BLOC1S6: variants seen among roughly 807,000 people sequenced by gnomAD.
BLOC1S6 encodes the protein biogenesis of lysosomal organelles complex 1 subunit 6.
A neutral mutation model predicts 24.7 loss-of-function variants in BLOC1S6; 24 were observed. The ratio of observed to expected loss-of-function variants is 0.97; its 90% CI spans 0.70 to 1.37. The LOEUF is 1.37. Among genes scored for constraint, BLOC1S6 ranks in the 40% most tolerant of loss-of-function variants. BLOC1S6 has a pLI of 0.00. For synonymous variants in BLOC1S6, 76 were observed against 72.6 expected, an observed-to-expected ratio of 1.05 and a Z score of -0.23; for missense variants, 175 against 196.2, an observed-to-expected ratio of 0.89 and a Z score of 0.64.
At chr15:45,597,091 C>T (rs530248578) in intron 2 of BLOC1S6, among the ~76,000 whole-genome samples, 1 of 152,248 alleles carries the variant, frequency 6.6e-6, no homozygotes, top group South Asian at 2.1e-4. Context: ...AACTTTAAAA[C>T]AGTTTGTTGA....
Position 45,606,776 on chromosome 15 carries a change from T to G in BLOC1S6, c.*262T>G. On this transcript the variant is annotated 3_prime_UTR_variant, in exon 5 of 5. Transcript: ENST00000220531. Reference sequence around the variant, plus strand: ...CTTGAATTATTTATAAACTGGAAAGTGGTTTGATTATTGTGAGTCAAAACT... The same window carrying G: ...CTTGAATTATTTATAAACTGGAAAGGGGTTTGATTATTGTGAGTCAAAACT... The G allele has an allele frequency of 2.2e-6, 1 of 458,366 alleles. No homozygotes were observed. The highest frequency in any genetic ancestry group is 3.8e-6 in the Non-Finnish European group (1 of 260,230). The allele number at this position is 458,366 out of a possible 1,614,324, so 28.4% of individuals were successfully genotyped here.
chr15:45,604,671 A>G (rs1021701282), intron 3 of BLOC1S6, among the ~76,000 whole-genome samples: 1 of 152,210 alleles, frequency 6.6e-6, no homozygotes, highest in African/African-American at 2.4e-5. Context: ...TAATCAGACA[A>G]TGACTTTACT....
rs1043334036 is a variant in BLOC1S6 at position 45,605,605 on chromosome 15, T to C, written c.399+91T>C. 1.4e-5 allele frequency: 15 copies of C among 1,090,700 alleles called. No homozygotes were observed. The African/African-American group carries it at 2.4e-4, about 17-fold the overall frequency. The allele number at this position is 1,090,700 out of a possible 1,614,324, so 67.6% of individuals were successfully genotyped here. A position where few individuals can be genotyped will look rare whatever the true frequency, so the allele number is the denominator to read the frequency against. On this transcript the variant is annotated intron_variant, in intron 4 of 4. Coordinates refer to ENST00000220531, the MANE Select transcript of BLOC1S6 (RefSeq NM_012388.4). The stretch of plus-strand genomic sequence containing the variant: ...TTTTTTTTCAGTATTCTTTTTTTTT[T>C]TGAGACGGAGTTTTGCTCTTGCCGC...
chr15:45,602,064 G>A (rs1313283936), intron 2 of BLOC1S6, among the ~76,000 whole-genome samples: 1 of 151,880 alleles, frequency 6.6e-6, no homozygotes, highest in East Asian at 1.9e-4. Flanking sequence ...GTGTGTGTGT[G>A]TGTTTTTTTT....
chr15:45,608,113 G>C lies in BLOC1S6; in HGVS notation c.*1599G>C, dbSNP rs1032467173. 6.6e-6 allele frequency: 1 copy of C among 152,574 alleles called. No individual in the cohort carries two copies. The highest frequency in any genetic ancestry group is 1.5e-5 in the Non-Finnish European group (1 of 68,036). 9.5% of individuals were successfully genotyped at this position (152,574 alleles called of 1,614,324 possible). On this transcript the variant is annotated 3_prime_UTR_variant, in exon 5 of 5. Coordinates refer to ENST00000220531, the MANE Select transcript of BLOC1S6 (RefSeq NM_012388.4). ...TTTTATAATCCACAATACATTTCTG[G>C]TAAGATGGAATCACTACCTCTGATC...
Position 45,587,550 on chromosome 15 carries a change from C to G in BLOC1S6, c.82+25C>G, listed in dbSNP as rs778568739. 3.2e-6 allele frequency: 5 copies of G among 1,551,918 alleles called. No homozygotes were observed. The Admixed American group carries it at 7.6e-5, about 24-fold the overall frequency. ...GGTACGTACTATCGGGTGGGAAGCGCGGCCCGGGCTGGGTGTGAGGGGCGG... is the reference window on the plus strand; with the variant it reads ...GGTACGTACTATCGGGTGGGAAGCGGGGCCCGGGCTGGGTGTGAGGGGCGG... On this transcript the variant is annotated intron_variant, in intron 1 of 4. Coordinates refer to ENST00000220531, the MANE Select transcript of BLOC1S6 (RefSeq NM_012388.4).
chr15:45,601,840 A>C (rs1262562227), intron 2 of BLOC1S6, among the ~76,000 whole-genome samples: 1 of 151,744 alleles, frequency 6.6e-6, no homozygotes, highest in Non-Finnish European at 1.5e-5. Context: ...ACTTTCTGTG[A>C]TCTCTAGTCC....
rs1595553003 is a variant in BLOC1S6 at position 45,592,277 on chromosome 15, G to A, written c.224+1G>A. 2 of 1,613,646 alleles carry A rather than the reference G, an allele frequency of 1.2e-6. No individual in the cohort carries two copies. The highest frequency in any genetic ancestry group is 1.7e-6 in the Non-Finnish European group (2 of 1,179,964). Reference sequence around the variant, plus strand: ...CAAAACAAGCCCTCCAGGAACTCACGTAAGCTAATAAAAAACCAGATATAC... The same window carrying A: ...CAAAACAAGCCCTCCAGGAACTCACATAAGCTAATAAAAAACCAGATATAC... On this transcript the variant is annotated splice_donor_variant, in intron 2 of 4. Transcript: ENST00000220531. LOFTEE classifies it high-confidence loss of function.
At chr15:45,594,367 G>A (rs1324858510) in intron 2 of BLOC1S6, among the ~76,000 whole-genome samples, 1 of 152,234 alleles carries the variant, frequency 6.6e-6, no homozygotes, top group Non-Finnish European at 1.5e-5. Flanking sequence ...GGCCCCTAAA[G>A]CAGCCACAGA....
chr15:45,597,769 T>C, intron 2 of BLOC1S6: 1 of 204,892 alleles, frequency 4.9e-6, no homozygotes, highest in South Asian at 5.5e-5. Flanking sequence ...GGTTTCTTGT[T>C]GAATCTTTGG....
intron 2 of BLOC1S6, among the ~76,000 whole-genome samples, chr15:45,596,329 CT>C (rs1381414452): frequency 2.6e-5 from 4 of 152,052 alleles, no homozygotes; most frequent in Non-Finnish European, 5.9e-5. Flanking sequence ...TCCCAAGTAG[CT>C]GGGACCACAG....
intron 1 of BLOC1S6, among the ~76,000 whole-genome samples, chr15:45,591,437 C>T (rs1966763): frequency 0.21 from 31,184 of 151,976 alleles, 4,509 homozygotes; most frequent in African/African-American, 0.41. Context: ...ATTTTTATAT[C>T]TATTTATTTT....
Position 45,592,250 on chromosome 15 carries a change from A to G in BLOC1S6, c.198A>G (p.Arg66=), listed in dbSNP as rs1329457663. The change falls in exon 2 of 5, where the codon AGA becomes AGG. Residue 66 remains arginine (R), a synonymous_variant. Coordinates refer to ENST00000220531, the MANE Select transcript of BLOC1S6 (RefSeq NM_012388.4). ...CTCATTATTTGCCAGATCTGCAGAG[A>G]TCAAAACAAGCCCTCCAGGAACTCA... The part of the protein sequence containing the change: ...LLSHYLPDLQ[R]SKQALQELTQ... The G allele has an allele frequency of 3.7e-6, 6 of 1,614,106 alleles. 1 individual carries two copies. In the Middle Eastern group the frequency reaches 4.9e-4, roughly 133 times the overall value.
chr15:45,587,584 G>A (rs958625732), intron 1 of BLOC1S6, 59 bp downstream of exon 1: 14 of 1,476,120 alleles, frequency 9.5e-6, no homozygotes, highest in Non-Finnish European at 1.3e-5. Flanking sequence ...GGGGACCTGA[G>A]TGAGTAGAAC....
intron 2 of BLOC1S6, among the ~76,000 whole-genome samples, chr15:45,594,706 C>T (rs1398035672): frequency 6.6e-6 from 1 of 152,092 alleles, no homozygotes; most frequent in Non-Finnish European, 1.5e-5. Context: ...GCCTCAGCCT[C>T]CCAAGTAGAT....
At chr15:45,587,558 G>A in intron 1 of BLOC1S6, 33 bp downstream of exon 1, 1 of 1,543,946 alleles carries the variant, frequency 6.5e-7, no homozygotes, top group Non-Finnish European at 8.7e-7. Flanking sequence ...CGCGGCCCGG[G>A]CTGGGTGTGA....
In BLOC1S6 at chr15:45,603,193, T is replaced by A. The variant is rs749795439; in HGVS notation, c.312+6T>A. ...TGTTGGATATTAATGCTTTGGTAAG[T>A]ATGATTTAGTTGATGTAATTTAATG... On this transcript the variant is annotated splice_donor_region_variant and intron_variant, in intron 3 of 4. Transcript: ENST00000220531. 6.5e-7 allele frequency: 1 copy of A among 1,542,870 alleles called. No homozygotes were observed. The highest frequency in any genetic ancestry group is 9.0e-7 in the Non-Finnish European group (1 of 1,117,192).
At chr15:45,601,043 A>G (rs1894252447) in intron 2 of BLOC1S6, among the ~76,000 whole-genome samples, 1 of 152,214 alleles carries the variant, frequency 6.6e-6, no homozygotes, top group African/African-American at 2.4e-5. Flanking sequence ...GTCAGCCTTT[A>G]TACACTATGT....
chr15:45,590,544 C>T (rs1460254685), intron 1 of BLOC1S6, among the ~76,000 whole-genome samples: 3 of 151,682 alleles, frequency 2.0e-5, no homozygotes, highest in African/African-American at 4.8e-5. Flanking sequence ...AGTAGCTGAG[C>T]TTACAGGCAT....
Sources: gnomAD v4.1 joint callset for allele counts (sites outside exome capture counted in the v4.1 genomes callset) on GRCh38, gnomAD v4.1.1 for gene constraint, MANE v1.5 for transcripts, NCBI Gene and HGNC (gene_info 2026-07-23, HGNC 2026-07-21) for gene names.